The following KDM5A variants were observed in gnomAD, a reference collection of about 807,000 sequenced individuals.
The protein encoded by KDM5A is lysine-specific demethylase 5A.
In KDM5A, 42 loss-of-function variants were observed where a neutral mutation model predicts 193.5. The observed-to-expected ratio is 0.22, with a 90% CI of 0.17 to 0.28. The LOEUF (loss-of-function observed/expected upper bound fraction) is 0.28. Ranked by LOEUF, KDM5A falls within the 10% of genes least tolerant of loss-of-function variation. The pLI is 1.00. For missense variants in KDM5A, 1,692 were observed against 2,055.1 expected (o/e 0.82, Z 3.42); for synonymous variants, 796 against 718.1 (o/e 1.11, Z -1.73).
At position 323,210 on chromosome 12, in the gene KDM5A, CAAAAAAAAA is replaced by C. The variant is rs60377454; in HGVS notation, c.2151-13_2151-5del. Reference sequence around the variant, plus strand: ...GTCTTCTAATGGGTAGCGATATCTACAAAAAAAAAAAAAAAAAAAAAAAAAAAAAGAAAA... The same window carrying C: ...GTCTTCTAATGGGTAGCGATATCTACAAAAAAAAAAAAAAAAAAAAGAAAA... On this transcript the variant is annotated splice_polypyrimidine_tract_variant and splice_region_variant and intron_variant, in intron 15 of 27. Transcript: ENST00000399788. 2.1e-3 allele frequency: 634 copies of C among 297,010 alleles called. No homozygotes were observed. The highest frequency in any genetic ancestry group is 0.017 in the Admixed American group (135 of 7,914). The allele number at this position is 297,010 out of a possible 1,614,324, so 18.4% of individuals were successfully genotyped here.
intron 5 of KDM5A, among the ~76,000 whole-genome samples, chr12:362,070 C>T (rs1944300108): frequency 6.6e-6 from 1 of 152,088 alleles, no homozygotes; most frequent in Non-Finnish European, 1.5e-5. Flanking sequence ...TAATCATTCC[C>T]ATCTCTATAC....
At chr12:358,340 A>G (rs778140914) in intron 5 of KDM5A, among the ~76,000 whole-genome samples, 2 of 152,232 alleles carry the variant, frequency 1.3e-5, no homozygotes, top group East Asian at 1.9e-4. Flanking sequence ...AAAAGATCAT[A>G]TAAGTACAAA....
At chr12:341,873 C>T (rs1217093817) in intron 10 of KDM5A, among the ~76,000 whole-genome samples, 13 of 147,814 alleles carry the variant, frequency 8.8e-5, no homozygotes, top group East Asian at 2.0e-4. Flanking sequence ...GTACTCCAGC[C>T]GGGCAACAGG....
At chr12:342,143 C>T (rs543618540) in intron 10 of KDM5A, among the ~76,000 whole-genome samples, 85 of 152,246 alleles carry the variant, frequency 5.6e-4, no homozygotes, top group Non-Finnish European at 1.0e-3. Flanking sequence ...GAAAAAGATA[C>T]ACCAAGCAAA....
rs1358227494 is a variant in KDM5A, at chr12:336,686, C to CA, written c.1309-2265dup. Among the ~76,000 whole-genome samples the CA allele has an allele frequency of 8.6e-5, 13 of 151,956 alleles. No homozygotes were observed. In the South Asian group the frequency reaches 1.9e-3, roughly 22 times the overall value. ...TGAAATCCCATCACTAGTAAAAATA[C>CA]AAAAATCAGCCAAGCGTGGTGGTGC... is the stretch of plus-strand genomic sequence containing the variant. On this transcript the variant is annotated intron_variant, in intron 10 of 27. Transcript: ENST00000399788.
intron 19 of KDM5A, among the ~76,000 whole-genome samples, chr12:316,356 C>G (rs1943650615): frequency 6.6e-6 from 1 of 152,202 alleles, no homozygotes; most frequent in Non-Finnish European, 1.5e-5. Context: ...TCACTACTGT[C>G]TACATAGCAT....
At chr12:323,534 A>G in intron 15 of KDM5A, 66 bp downstream of exon 15, 1 of 1,447,484 alleles carries the variant, frequency 6.9e-7, no homozygotes, top group Admixed American at 1.7e-5. Context: ...GGGAATAAGT[A>G]AAAATAACAT....
At chr12:300,199 G>A (rs998768316) in intron 24 of KDM5A, among the ~76,000 whole-genome samples, 3 of 152,024 alleles carry the variant, frequency 2.0e-5, no homozygotes, top group African/African-American at 4.8e-5. Flanking sequence ...GACACCTACA[G>A]AACTCTCCAC....
At chr12:388,171 A>C in intron 1 of KDM5A, 2 of 393,932 alleles carry the variant, frequency 5.1e-6, no homozygotes, top group South Asian at 3.5e-5. Context: ...ACCTTGAGTA[A>C]TCACTCAACC....
rs977166644 is a variant in KDM5A, at chr12:307,307, T to C, written c.3930+147A>G. The C allele has an allele frequency of 1.0e-6, 1 of 1,002,846 alleles. No homozygotes were observed. Among genetic ancestry groups the C allele is most frequent in the Non-Finnish European group, 1.5e-6 (1 of 655,746 alleles). The allele number at this position is 1,002,846 out of a possible 1,614,324, so 62.1% of individuals were successfully genotyped here. A position where few individuals can be genotyped will look rare whatever the true frequency, so the allele number is the denominator to read the frequency against. The stretch of plus-strand genomic sequence containing the variant: ...CTAAGTACGTATCCAAAAAAAGTGC[T>C]ATAGTGTATGTTGAAGGAGAATGCA... On this transcript the variant is annotated intron_variant, in intron 23 of 27. Transcript: ENST00000399788. The surrounding 1 kb of genome is among the most constrained non-coding windows in gnomAD (Gnocchi z 4.3).
At chr12:302,910 G>A (rs969120390) in intron 24 of KDM5A, among the ~76,000 whole-genome samples, 4 of 152,130 alleles carry the variant, frequency 2.6e-5, no homozygotes, top group African/African-American at 9.7e-5. Context: ...ACAAACATAT[G>A]AAAAAATGCT....
At chr12:347,905 A>T (rs1242784820) in intron 10 of KDM5A, among the ~76,000 whole-genome samples, 3 of 152,136 alleles carry the variant, frequency 2.0e-5, no homozygotes, top group South Asian at 2.1e-4. Context: ...AAGCCAAAAT[A>T]GACAAATGGG....
At chr12:385,011 A>T (rs950451727) in intron 2 of KDM5A, among the ~76,000 whole-genome samples, 1 of 152,040 alleles carries the variant, frequency 6.6e-6, no homozygotes, top group African/African-American at 2.4e-5. Flanking sequence ...CCAACACGGC[A>T]AAACTCCGTC....
rs1943739386 is a variant in KDM5A, at chr12:323,094, T to TG, written c.2262dup (p.Asn755GlnfsTer8). On this transcript the variant is annotated frameshift_variant, in exon 16 of 28. Transcript: ENST00000399788. LOFTEE classifies it high-confidence loss of function. Reference sequence around the variant, plus strand: ...AAGGAAATTTAACCTTTTTTGTGGTTGAAGTTAGCAGACAATGCTTCTGTA... The same window carrying TG: ...AAGGAAATTTAACCTTTTTTGTGGTTGGAAGTTAGCAGACAATGCTTCTGTA... 1 of 1,612,966 alleles carries TG rather than the reference T, an allele frequency of 6.2e-7. No homozygotes were observed. The highest frequency in any genetic ancestry group is 1.7e-5 in the Admixed American group (1 of 59,894).
At chr12:332,040 T>C in intron 12 of KDM5A, 102 bp from the exon 13 acceptor site, 1 of 1,124,106 alleles carries the variant, frequency 8.9e-7, no homozygotes, top group Non-Finnish European at 1.3e-6. Context: ...TTTCTAAAAC[T>C]GAAAACAATA....
rs2137392451 is a variant in KDM5A at position 309,810 on chromosome 12, G to A, written c.3371C>T (p.Ala1124Val). The change falls in exon 22 of 28, where the codon GCC becomes GTC. Residue 1124 changes from alanine (A) to valine (V), a missense_variant. This residue lies in a region of KDM5A where 965 missense variants were observed against 1,061.0 expected (regional missense o/e 0.91). Transcript: ENST00000399788. ...TGCTAGGTAATTTCTTACCACCATG[G>A]CTGTATCTCTGGTTTCCTCCAATCC... is the stretch of plus-strand genomic sequence containing the variant. ...EEGLEETRDT[A>V]MVVAVFKERE... 2 of 1,614,008 alleles carry A rather than the reference G, an allele frequency of 1.2e-6. No homozygotes were observed. Among genetic ancestry groups the A allele is most frequent in the Non-Finnish European group, 1.7e-6 (2 of 1,179,980 alleles).
chr12:285,693 GT>G (rs1191156378), intron 27 of KDM5A, 31 bp from the exon 28 acceptor site: 8 of 1,588,914 alleles, frequency 5.0e-6, no homozygotes, highest in Non-Finnish European at 6.0e-6. Flanking sequence ...GAATGTTTAG[GT>G]TACATAAACA....
chr12:375,551 G>A (rs142119161), intron 3 of KDM5A, among the ~76,000 whole-genome samples: 1,546 of 152,154 alleles, frequency 0.01, 17 homozygotes, highest in African/African-American at 0.034. Context: ...AAGTCTGATC[G>A]TCTGAAGCCT....
intron 22 of KDM5A, among the ~76,000 whole-genome samples, chr12:308,840 G>C (rs56225049): frequency 6.6e-6 from 1 of 152,208 alleles, no homozygotes; most frequent in Non-Finnish European, 1.5e-5. Context: ...GTCCAGATTC[G>C]TATTTATTTT....
Sources: allele counts gnomAD v4.1 joint callset (sites outside exome capture counted in the v4.1 genomes callset), GRCh38; gene constraint gnomAD v4.1.1; regional missense constraint gnomAD v4.1.1; non-coding constraint Gnocchi (gnomAD v3.1); transcripts MANE v1.5; gene names NCBI Gene and HGNC (gene_info 2026-07-23, HGNC 2026-07-21).